TENM4: variants seen among roughly 807,000 people sequenced by gnomAD.
TENM4 encodes the protein teneurin-4.
TENM4 carries 82 observed loss-of-function variants against 243.3 expected under a neutral mutation model. The observed-to-expected ratio is 0.34, with a 90% CI of 0.28 to 0.40. The LOEUF (loss-of-function observed/expected upper bound fraction) is 0.40. Among genes scored for constraint, TENM4 ranks in the 10% least tolerant of loss-of-function variants. The pLI, the probability that TENM4 is intolerant of heterozygous loss-of-function variation, is 1.00. For missense variants in TENM4, 3,138 were observed against 3,673.3 expected (o/e 0.85, Z 3.77); for synonymous variants, 1,412 against 1,456.3 (o/e 0.97, Z 0.69).
intron 1 of TENM4, among the ~76,000 whole-genome samples, chr11:79,362,951 A>C (rs1857615891): frequency 6.6e-6 from 1 of 152,238 alleles, no homozygotes; most frequent in African/African-American, 2.4e-5. Flanking sequence ...CTAAGATGTC[A>C]GCAGTGGCAA....
At chr11:79,158,025 G>A (rs575257) in intron 3 of TENM4, among the ~76,000 whole-genome samples, 74,476 of 151,908 alleles carry the variant, frequency 0.49, 19,461 homozygotes, top group Middle Eastern at 0.6. Context: ...CAATTATGCT[G>A]TGCAGCTTAC....
chr11:79,194,119 CT>C (rs1328533950), intron 3 of TENM4, among the ~76,000 whole-genome samples: 1 of 151,850 alleles, frequency 6.6e-6, no homozygotes, highest in Non-Finnish European at 1.5e-5. Context: ...GGGGTTTTTG[CT>C]TTTACTTCTT....
At chr11:79,250,470 G>A (rs1376015621) in intron 2 of TENM4, among the ~76,000 whole-genome samples, 1 of 152,230 alleles carries the variant, frequency 6.6e-6, no homozygotes, top group African/African-American at 2.4e-5. Flanking sequence ...TTAGACTGAA[G>A]GCATTTGTCC....
chr11:79,122,930 C>T (rs1861772429), intron 4 of TENM4, among the ~76,000 whole-genome samples: 1 of 152,136 alleles, frequency 6.6e-6, no homozygotes, highest in Non-Finnish European at 1.5e-5. Context: ...AAATATTTAC[C>T]CAGCCTGCAT....
At chr11:79,215,612 T>C (rs1053957351) in intron 3 of TENM4, among the ~76,000 whole-genome samples, 196 bp downstream of exon 3, 5 of 152,196 alleles carry the variant, frequency 3.3e-5, no homozygotes, top group African/African-American at 1.2e-4. Flanking sequence ...CGTTGCCACC[T>C]ACCAGTCCTA....
At chr11:79,386,942 T>C (rs543933582) in intron 1 of TENM4, among the ~76,000 whole-genome samples, 2 of 152,176 alleles carry the variant, frequency 1.3e-5, no homozygotes, top group South Asian at 2.1e-4. Context: ...CCAAAAGACA[T>C]GCATAAGAAT....
chr11:79,070,147 C>G (rs1255207803), intron 4 of TENM4, 138 bp from the exon 5 acceptor site: 6 of 1,108,476 alleles, frequency 5.4e-6, no homozygotes, highest in Non-Finnish European at 6.2e-6. Flanking sequence ...TCCACCACTA[C>G]GCAGCCCATA....
At chr11:78,892,066 C>G (rs1325771130) in intron 7 of TENM4, among the ~76,000 whole-genome samples, 2 of 152,156 alleles carry the variant, frequency 1.3e-5, no homozygotes, top group South Asian at 2.1e-4. Flanking sequence ...GGTGCAGGGA[C>G]CTGGGTGATA....
At chr11:79,285,756 CA>C (rs112864533) in intron 2 of TENM4, among the ~76,000 whole-genome samples, 31 of 137,948 alleles carry the variant, frequency 2.2e-4, no homozygotes, top group Non-Finnish European at 3.0e-4. Context: ...TGAAAAAAAC[CA>C]AAAAAAAAAC....
rs1855420371 is a variant in TENM4, at chr11:78,722,777, C to T, written c.3691G>A (p.Ala1231Thr). Reference protein sequence around the residue: ...NGLADGNKLLAPVALTCGSDG... With the variant: ...NGLADGNKLLTPVALTCGSDG... ...GAGCCACAGGTGAGGGCCACTGGGG[C>T]CAGGAGCTTGTTGCCGTCAGCAAGG... Residue 1231 changes from alanine (A) to threonine (T), a missense_variant, in exon 24 of 34, where the codon GCC becomes ACC. By Grantham distance (58) the Ala-to-Thr change is moderately conservative (BLOSUM62 0). Around this residue, in one of 2 missense-constraint regions of TENM4, gnomAD observed 2,467 missense variants for 3,059.1 expected, o/e 0.81. Coordinates refer to ENST00000278550, the MANE Select transcript of TENM4 (RefSeq NM_001098816.3). 1.2e-6 allele frequency: 2 copies of T among 1,613,958 alleles called. No individual in the cohort carries two copies. Among genetic ancestry groups the T allele is most frequent in the Admixed American group, 1.7e-5 (1 of 60,012 alleles).
intron 19 of TENM4, among the ~76,000 whole-genome samples, chr11:78,745,761 C>A (rs1426209282): frequency 6.6e-6 from 1 of 152,208 alleles, no homozygotes; most frequent in Non-Finnish European, 1.5e-5. Context: ...CGGTATCTAC[C>A]TTGGGACTAT....
At chr11:78,709,826 C>T (rs1361449666) in intron 26 of TENM4, among the ~76,000 whole-genome samples, 4 of 152,296 alleles carry the variant, frequency 2.6e-5, no homozygotes, top group East Asian at 1.9e-4. Flanking sequence ...ACGAATTCAG[C>T]GGGTGGCTAG....
At chr11:78,727,243 T>C (rs1340019091) in intron 22 of TENM4, among the ~76,000 whole-genome samples, 1 of 152,166 alleles carries the variant, frequency 6.6e-6, no homozygotes, top group African/African-American at 2.4e-5. Context: ...GGTCAGGAGA[T>C]GGAGACCATC....
intron 9 of TENM4, among the ~76,000 whole-genome samples, chr11:78,873,309 T>C (rs138265541): frequency 6.6e-6 from 1 of 152,342 alleles, no homozygotes; most frequent in Non-Finnish European, 1.5e-5. Context: ...GGGACCATGA[T>C]GATGATAATG....
intron 6 of TENM4, among the ~76,000 whole-genome samples, chr11:78,929,989 C>T (rs1184076883): frequency 2.0e-5 from 3 of 152,126 alleles, no homozygotes; most frequent in African/African-American, 4.8e-5. Context: ...TCTGTGCCTC[C>T]GTCCTAAATG....
chr11:79,376,139 G>A (rs769936251), intron 1 of TENM4, among the ~76,000 whole-genome samples: 3 of 152,200 alleles, frequency 2.0e-5, no homozygotes, highest in Non-Finnish European at 4.4e-5. Context: ...CTGGCCACAT[G>A]TACAGTACAA....
chr11:79,181,778 A>G (rs1470796415), intron 3 of TENM4, among the ~76,000 whole-genome samples: 1 of 152,144 alleles, frequency 6.6e-6, no homozygotes, highest in Non-Finnish European at 1.5e-5. Context: ...TTAACATACA[A>G]AAGTCAATCA....
In TENM4 at chr11:79,224,820, G is replaced by A. The variant is rs894411205; in HGVS notation, c.-264-8911C>T. Among the ~76,000 whole-genome samples, 10 of 152,188 alleles carry A rather than the reference G, an allele frequency of 6.6e-5. No individual in the cohort carries two copies. The South Asian group carries it at 1.7e-3, about 25-fold the overall frequency. On this transcript the variant is annotated intron_variant, in intron 2 of 33. Transcript: ENST00000278550. Reference sequence around the variant, plus strand: ...ATAAAAATTAGTCCGGCATGGTGGCGCATGCCTGTAATCTCAGCTACTCGG... The same window carrying A: ...ATAAAAATTAGTCCGGCATGGTGGCACATGCCTGTAATCTCAGCTACTCGG...
At chr11:79,210,496 A>G (rs1301073390) in intron 3 of TENM4, among the ~76,000 whole-genome samples, 1 of 152,230 alleles carries the variant, frequency 6.6e-6, no homozygotes, top group East Asian at 1.9e-4. Flanking sequence ...GCAGCAGTAC[A>G]TAGCAGTAAA....
Sources: allele counts gnomAD v4.1 joint callset (sites outside exome capture counted in the v4.1 genomes callset), GRCh38; gene constraint gnomAD v4.1.1; regional missense constraint gnomAD v4.1.1; transcripts MANE v1.5; gene names NCBI Gene and HGNC (gene_info 2026-07-23, HGNC 2026-07-21).